CELF4: variants seen among roughly 807,000 people sequenced by gnomAD.
The protein encoded by CELF4 is CUGBP Elav-like family member 4, also known as CUG-BP- and ETR-3-like factor 4.
In CELF4, 18 loss-of-function variants were observed where a neutral mutation model predicts 59.9. The observed-to-expected ratio is 0.30, with a 90% CI of 0.21 to 0.45. The LOEUF (loss-of-function observed/expected upper bound fraction) is 0.45. CELF4 is among the 20% of genes least tolerant of loss of function. The pLI is 1.00. For synonymous variants in CELF4, 261 were observed against 267.1 expected (o/e 0.98, Z 0.22); for missense variants, 456 against 689.0 (o/e 0.66, Z 3.79).
chr18:37,390,831 C>T (rs1192539953), intron 2 of CELF4, among the ~76,000 whole-genome samples: 1 of 149,814 alleles, frequency 6.7e-6, no homozygotes, highest in African/African-American at 2.5e-5. Flanking sequence ...TGCTGGCCGG[C>T]ACAGCAGTGG....
At chr18:37,331,873 GGAGGATCTGGTGTGGCCGCA>G (rs1445753823) in intron 2 of CELF4, among the ~76,000 whole-genome samples, 1 of 152,154 alleles carries the variant, frequency 6.6e-6, no homozygotes, top group African/African-American at 2.4e-5. Flanking sequence ...GTGGAGGTGG[GGAGGATCTGGTGTGGCCGCA>G]GAGGATCTGG....
intron 1 of CELF4, among the ~76,000 whole-genome samples, chr18:37,564,147 A>G (rs2099987407): frequency 6.6e-6 from 1 of 152,132 alleles, no homozygotes; most frequent in African/African-American, 2.4e-5. Context: ...TTAAAAACGG[A>G]ACATCCATAC....
At chr18:37,360,473 C>T (rs2098685937) in intron 2 of CELF4, among the ~76,000 whole-genome samples, 1 of 152,200 alleles carries the variant, frequency 6.6e-6, no homozygotes, top group South Asian at 2.1e-4. Context: ...CACGAGTGAG[C>T]ACTTACTGTG....
At chr18:37,377,049 A>G (rs2098978790) in intron 2 of CELF4, among the ~76,000 whole-genome samples, 1 of 152,108 alleles carries the variant, frequency 6.6e-6, no homozygotes, top group Non-Finnish European at 1.5e-5. Flanking sequence ...GAAGATAACT[A>G]AAGCAAGGAG....
chr18:37,537,362 T>C (rs1396776864), intron 1 of CELF4, among the ~76,000 whole-genome samples: 2 of 152,180 alleles, frequency 1.3e-5, no homozygotes, highest in African/African-American at 4.8e-5. Context: ...AGCCTGGCAT[T>C]CTCGGAGGAG....
chr18:37,395,828 T>A (rs1354134378), intron 2 of CELF4, among the ~76,000 whole-genome samples: 2 of 152,170 alleles, frequency 1.3e-5, no homozygotes, highest in Non-Finnish European at 2.9e-5. Context: ...GGAGGCTGGC[T>A]TTGGGGCACT....
chr18:37,274,973 C>T (rs1447917246), intron 4 of CELF4, 89 bp from the exon 5 acceptor site: 1 of 1,545,224 alleles, frequency 6.5e-7, no homozygotes, highest in Non-Finnish European at 8.8e-7. Flanking sequence ...TGAACGCAGA[C>T]GGGTGAGGCA....
At chr18:37,465,186 ATTTAT>A (rs1014710460) in intron 2 of CELF4, among the ~76,000 whole-genome samples, 8 of 152,230 alleles carry the variant, frequency 5.3e-5, no homozygotes, top group South Asian at 4.1e-4. Context: ...ATTATATATT[ATTTAT>A]TTAGTCTTAA....
intron 2 of CELF4, among the ~76,000 whole-genome samples, chr18:37,398,108 AG>A (rs754914364): frequency 1.2e-4 from 19 of 152,324 alleles, no homozygotes; most frequent in Admixed American, 3.3e-4. Context: ...CAGGGAGGAC[AG>A]GTGTGTCAAG....
chr18:37,405,460 A>G (rs1007022149), intron 2 of CELF4, among the ~76,000 whole-genome samples: 9 of 151,962 alleles, frequency 5.9e-5, no homozygotes, highest in Non-Finnish European at 8.8e-5. Flanking sequence ...TCCTGCCTCT[A>G]CCCTTCCTTC....
At chr18:37,454,348 C>T (rs1000749593) in intron 2 of CELF4, among the ~76,000 whole-genome samples, 2 of 152,128 alleles carry the variant, frequency 1.3e-5, no homozygotes, top group Non-Finnish European at 2.9e-5. Context: ...GGCCTGGGAG[C>T]CCAGTGAAGT....
intron 3 of CELF4, among the ~76,000 whole-genome samples, chr18:37,279,179 G>T (rs2093792943): frequency 6.6e-6 from 1 of 152,194 alleles, no homozygotes; most frequent in Admixed American, 6.5e-5. Context: ...TGAGCCTGTT[G>T]CTTCCCATAG....
At chr18:37,374,101 C>T (rs976796054) in intron 2 of CELF4, among the ~76,000 whole-genome samples, 40 of 152,184 alleles carry the variant, frequency 2.6e-4, no homozygotes, top group Middle Eastern at 3.2e-3. Flanking sequence ...GCTACCCCAC[C>T]GCCCAGCCAC....
chr18:37,558,664 G>T (rs2099985630), intron 1 of CELF4, among the ~76,000 whole-genome samples: 1 of 151,998 alleles, frequency 6.6e-6, no homozygotes, highest in Non-Finnish European at 1.5e-5. Context: ...TGCAGGAAAA[G>T]AAGAGGTGAA....
At chr18:37,548,932 C>A (rs1365021368) in intron 1 of CELF4, among the ~76,000 whole-genome samples, 1 of 152,216 alleles carries the variant, frequency 6.6e-6, no homozygotes, top group Non-Finnish European at 1.5e-5. Context: ...TCCAGGCCAC[C>A]CCTGAATGAT....
At chr18:37,336,840 G>A (rs1434962480) in intron 2 of CELF4, among the ~76,000 whole-genome samples, 3 of 152,242 alleles carry the variant, frequency 2.0e-5, no homozygotes, top group South Asian at 2.1e-4. Context: ...CTGAGGTCTC[G>A]TCAAGGCAGG....
In CELF4 at chr18:37,304,310, T is replaced by C. The variant is rs185834857; in HGVS notation, c.448+17493A>G. ...GCTATTAATCAGAATCAAAATATTC[T>C]AGAAGGGCTGGCTATGGGTGAGACA... On this transcript the variant is annotated intron_variant, in intron 3 of 12. Transcript: ENST00000420428. Among the ~76,000 whole-genome samples the C allele has an allele frequency of 9.9e-5, 15 of 152,248 alleles. No individual in the cohort carries two copies. The East Asian group carries it at 2.9e-3, about 29-fold the overall frequency.
rs1603031777 is a variant in CELF4, at chr18:37,289,458, T to A, written c.449-14215A>T. The stretch of plus-strand genomic sequence containing the variant: ...AGGGGATTCTGGGGATGACAAGCAC[T>A]GTGGGGCTGCTCTGCCAGGAGCAGG... On this transcript the variant is annotated intron_variant, in intron 3 of 12. Transcript: ENST00000420428. 2.0e-5 allele frequency among the ~76,000 whole-genome samples: 3 copies of A among 152,142 alleles called. No homozygotes were observed. In the South Asian group the frequency reaches 6.2e-4, roughly 32 times the overall value.
intron 2 of CELF4, among the ~76,000 whole-genome samples, chr18:37,386,595 A>G (rs1352027189): frequency 6.6e-6 from 1 of 152,364 alleles, no homozygotes. Context: ...CCTTAGAAAA[A>G]GTCAAAATAG....
Sources: gnomAD v4.1 joint callset for allele counts (sites outside exome capture counted in the v4.1 genomes callset) on GRCh38, gnomAD v4.1.1 for gene constraint, MANE v1.5 for transcripts, NCBI Gene and HGNC (gene_info 2026-07-23, HGNC 2026-07-21) for gene names.